The following TMTC2 variants were observed in gnomAD, a reference collection of about 807,000 sequenced individuals.
TMTC2 encodes the protein protein O-mannosyl-transferase TMTC2.
TMTC2 carries 43 observed loss-of-function variants against 82.4 expected under a neutral mutation model. The ratio of observed to expected loss-of-function variants is 0.52; its 90% CI spans 0.41 to 0.67. The LOEUF is 0.67. Among genes scored for constraint, TMTC2 ranks in the 30% least tolerant of loss-of-function variants. The probability of loss-of-function intolerance (pLI) is 0.00; values close to 1 mark genes in which losing one functional copy is unlikely to be tolerated. For missense variants in TMTC2, 919 were observed against 1,012.4 expected, an observed-to-expected ratio of 0.91 and a Z score of 1.25; for synonymous variants, 408 against 381.9, an observed-to-expected ratio of 1.07 and a Z score of -0.80.
intron 1 of TMTC2, among the ~76,000 whole-genome samples, chr12:82,824,500 A>C (rs897048858): frequency 2.6e-5 from 4 of 152,240 alleles, no homozygotes; most frequent in Admixed American, 6.5e-5. Context: ...AATGAAATGC[A>C]ATTTAGGCTG....
intron 1 of TMTC2, among the ~76,000 whole-genome samples, chr12:82,793,982 A>C (rs2137026273): frequency 6.6e-6 from 1 of 152,248 alleles, no homozygotes; most frequent in Non-Finnish European, 1.5e-5. Flanking sequence ...TTTCAATATC[A>C]ACTGCTTTGT....
At chr12:82,729,245 A>G (rs1394113996) in intron 1 of TMTC2, among the ~76,000 whole-genome samples, 3 of 152,074 alleles carry the variant, frequency 2.0e-5, no homozygotes, top group Non-Finnish European at 2.9e-5. Context: ...AAATACACCA[A>G]TTGGCACTCT....
intron 3 of TMTC2, among the ~76,000 whole-genome samples, chr12:82,921,664 T>C (rs1308534632): frequency 1.3e-5 from 2 of 152,120 alleles, no homozygotes; most frequent in Admixed American, 6.6e-5. Flanking sequence ...GGAAACTTCA[T>C]TGGGAAAAAA....
intron 9 of TMTC2, among the ~76,000 whole-genome samples, chr12:83,032,260 TA>T (rs1881464100): frequency 3.9e-4 from 3 of 7,646 alleles, no homozygotes; most frequent in Non-Finnish European, 6.7e-4. Context: ...GAATATTTTA[TA>T]TATATATATA....
intron 10 of TMTC2, among the ~76,000 whole-genome samples, chr12:83,051,284 G>A (rs1882335179): frequency 6.6e-6 from 1 of 151,912 alleles, no homozygotes; most frequent in Non-Finnish European, 1.5e-5. Flanking sequence ...ATTATGAGGT[G>A]CTTTGCTTTT....
chr12:82,720,689 A>G (rs1294425022), intron 1 of TMTC2, among the ~76,000 whole-genome samples: 2 of 152,232 alleles, frequency 1.3e-5, no homozygotes, highest in Admixed American at 6.5e-5. Flanking sequence ...CTTATTTTAC[A>G]TTCCCACCAG....
chr12:82,753,957 T>C (rs1876158947), intron 1 of TMTC2, among the ~76,000 whole-genome samples: 1 of 152,184 alleles, frequency 6.6e-6, no homozygotes, highest in African/African-American at 2.4e-5. Flanking sequence ...AGGTCACGTT[T>C]TTCCAGGCAT....
Position 82,909,290 on chromosome 12 carries a change from A to G in TMTC2, c.1483+12644A>G, listed in dbSNP as rs146518117. On this transcript the variant is annotated intron_variant, in intron 3 of 11. Coordinates refer to ENST00000321196, the MANE Select transcript of TMTC2 (RefSeq NM_152588.3). ...CAGATCTAGTGTATGCAAGGTGAAT[A>G]CCATCTTCACAGCTAGTTTACTTTT... is the stretch of plus-strand genomic sequence containing the variant. Among the ~76,000 whole-genome samples, 30 of 152,218 alleles carry G rather than the reference A, an allele frequency of 2.0e-4. 1 individual carries two copies. Among genetic ancestry groups the G allele is most frequent in the African/African-American group, 7.2e-4 (30 of 41,536 alleles).
chr12:83,086,607 C>A (rs888077387), intron 11 of TMTC2, among the ~76,000 whole-genome samples: 2 of 152,122 alleles, frequency 1.3e-5, no homozygotes, highest in African/African-American at 4.8e-5. Context: ...CACTTTCAGA[C>A]CACTGCAGTA....
At chr12:82,899,908 A>G (rs1040166366) in intron 3 of TMTC2, among the ~76,000 whole-genome samples, 1 of 141,384 alleles carries the variant, frequency 7.1e-6, no homozygotes, top group African/African-American at 2.6e-5. Flanking sequence ...GAATGTATAT[A>G]CATATCCGGA....
At chr12:82,939,989 A>G (rs1216277267) in intron 4 of TMTC2, among the ~76,000 whole-genome samples, 2 of 148,768 alleles carry the variant, frequency 1.3e-5, no homozygotes, top group Admixed American at 6.7e-5. Context: ...TCTTCCAGAT[A>G]CATGTATTTC....
chr12:82,958,783 C>T (rs2137291689), intron 4 of TMTC2, among the ~76,000 whole-genome samples: 1 of 152,114 alleles, frequency 6.6e-6, no homozygotes, highest in Middle Eastern at 3.4e-3. Flanking sequence ...AGAAAAGATG[C>T]CGACTCTCAC....
At chr12:82,809,707 A>G (rs749138274) in intron 1 of TMTC2, among the ~76,000 whole-genome samples, 13 of 152,152 alleles carry the variant, frequency 8.5e-5, no homozygotes, top group Non-Finnish European at 1.5e-4. Flanking sequence ...TGTGTATGCA[A>G]TAAGTCATTG....
At chr12:82,870,932 A>G (rs1380018368) in intron 2 of TMTC2, among the ~76,000 whole-genome samples, 1 of 152,188 alleles carries the variant, frequency 6.6e-6, no homozygotes, top group Non-Finnish European at 1.5e-5. Flanking sequence ...TGGACAGGAT[A>G]ATTTGTAGTC....
intron 8 of TMTC2, among the ~76,000 whole-genome samples, chr12:83,002,248 A>C (rs10778925): frequency 0.77 from 116,483 of 152,102 alleles, 46,151 homozygotes; most frequent in South Asian, 0.93. Flanking sequence ...TCTAGATTTC[A>C]TAGTAATTTT....
At chr12:82,727,584 G>A (rs1042705582) in intron 1 of TMTC2, among the ~76,000 whole-genome samples, 1 of 152,034 alleles carries the variant, frequency 6.6e-6, no homozygotes, top group Non-Finnish European at 1.5e-5. Flanking sequence ...AGCCAGGCAT[G>A]ATGGCGTGGG....
chr12:83,094,814 A>C (rs1883967647), intron 11 of TMTC2, among the ~76,000 whole-genome samples: 1 of 152,216 alleles, frequency 6.6e-6, no homozygotes, highest in Non-Finnish European at 1.5e-5. Flanking sequence ...TATTTAGATT[A>C]GGAATCTTGG....
intron 1 of TMTC2, among the ~76,000 whole-genome samples, chr12:82,771,768 A>G (rs1877325103): frequency 6.6e-6 from 1 of 152,178 alleles, no homozygotes; most frequent in Non-Finnish European, 1.5e-5. Flanking sequence ...CATTTAACTT[A>G]TATGAATTTA....
At chr12:83,090,402 A>G (rs1362254022) in intron 11 of TMTC2, among the ~76,000 whole-genome samples, 1 of 152,134 alleles carries the variant, frequency 6.6e-6, no homozygotes, top group South Asian at 2.1e-4. Flanking sequence ...TTTAATATTG[A>G]AGGTTCTGTT....
Sources: allele counts gnomAD v4.1 joint callset (sites outside exome capture counted in the v4.1 genomes callset), GRCh38; gene constraint gnomAD v4.1.1; transcripts MANE v1.5; gene names NCBI Gene and HGNC (gene_info 2026-07-23, HGNC 2026-07-21).